NECAB2: variants seen among roughly 807,000 people sequenced by gnomAD.
The protein encoded by NECAB2 is N-terminal EF-hand calcium-binding protein 2.
In NECAB2, 68 loss-of-function variants were observed where a neutral mutation model predicts 51.9. The ratio of observed to expected loss-of-function variants is 1.31; its 90% CI spans 1.08 to 1.60. NECAB2 has a LOEUF of 1.60. Ranked by LOEUF, NECAB2 falls within the 40% of genes most tolerant of loss-of-function variation. The pLI is 0.00. For missense variants in NECAB2, 854 were observed against 490.3 expected, an observed-to-expected ratio of 1.74 and a Z score of -7.00; for synonymous variants, 329 against 203.5, an observed-to-expected ratio of 1.62 and a Z score of -5.25.
chr16:83,982,801 G>A (rs1186573289), intron 5 of NECAB2, among the ~76,000 whole-genome samples: 1 of 152,016 alleles, frequency 6.6e-6, no homozygotes, highest in Non-Finnish European at 1.5e-5. Context: ...TTTTTTTGTG[G>A]CAGTCGTGGT....
intron 5 of NECAB2, among the ~76,000 whole-genome samples, chr16:83,982,804 G>C (rs1012617859): frequency 2.0e-5 from 3 of 152,096 alleles, no homozygotes; most frequent in African/African-American, 4.8e-5. Context: ...TTTTGTGGCA[G>C]TCGTGGTGAT....
At chr16:83,974,839 T>C (rs1597197264) in intron 2 of NECAB2, among the ~76,000 whole-genome samples, 1 of 151,354 alleles carries the variant, frequency 6.6e-6, no homozygotes, top group African/African-American at 2.4e-5. Context: ...GTCAAGGAGG[T>C]GTGGATCCAA....
intron 2 of NECAB2, among the ~76,000 whole-genome samples, chr16:83,973,001 G>A (rs991767405): frequency 6.6e-6 from 1 of 152,236 alleles, no homozygotes; most frequent in Admixed American, 6.5e-5. Flanking sequence ...CGTGGGTAAA[G>A]TGGGGCAATA....
intron 7 of NECAB2, 61 bp downstream of exon 7, chr16:83,994,481 G>C: frequency 6.3e-7 from 1 of 1,596,570 alleles, no homozygotes; most frequent in Non-Finnish European, 8.6e-7. Context: ...AGTTCTGAGA[G>C]TCCTCTGACA....
chr16:83,971,898 G>T, intron 1 of NECAB2: 2 of 595,126 alleles, frequency 3.4e-6, no homozygotes, highest in East Asian at 2.8e-5. Flanking sequence ...GTGTGTGTCA[G>T]CGTGGCTGGG....
At chr16:83,973,739 T>C (rs1341718563) in intron 2 of NECAB2, among the ~76,000 whole-genome samples, 1 of 151,818 alleles carries the variant, frequency 6.6e-6, no homozygotes, top group Non-Finnish European at 1.5e-5. Flanking sequence ...ACACAGTAGG[T>C]CCTCGGTAAA....
At position 84,002,330 on chromosome 16, in the gene NECAB2, C is replaced by T. The variant is rs760068599; in HGVS notation, c.1145C>T (p.Thr382Met). 5.9e-5 allele frequency: 95 copies of T among 1,613,822 alleles called. No individual in the cohort carries two copies. In the Middle Eastern group the frequency reaches 6.6e-4, roughly 11 times the overall value. ...TCTCTCCTTTTAGCTGCTTGGTGCACGGTGGGACGGGACTGACAGCCTCCC... is the reference window on the plus strand; with the variant it reads ...TCTCTCCTTTTAGCTGCTTGGTGCATGGTGGGACGGGACTGACAGCCTCCC... ...SRILVPAAWC[T>M]VGRD Residue 382 changes from threonine (T) to methionine (M), a missense_variant, in exon 13 of 13, where the codon ACG becomes ATG. Physicochemically the swap from Thr to Met is moderately conservative, Grantham distance 81. Coordinates refer to ENST00000305202, the MANE Select transcript of NECAB2 (RefSeq NM_019065.3).
At chr16:83,978,580 G>A in intron 3 of NECAB2, 28 bp downstream of exon 3, 1 of 1,573,220 alleles carries the variant, frequency 6.4e-7, no homozygotes. Context: ...CTGGCAGAGT[G>A]GGGGTGTGTG....
chr16:84,001,781 TCCACTCCTG>T (rs1248497314), intron 11 of NECAB2, 35 bp from the exon 12 acceptor site: 1 of 1,604,756 alleles, frequency 6.2e-7, no homozygotes, highest in Non-Finnish European at 8.5e-7. Flanking sequence ...CACGCGGAGC[TCCACTCCTG>T]CCACCCCTGA....
intron 8 of NECAB2, among the ~76,000 whole-genome samples, 162 bp from the exon 9 acceptor site, chr16:83,997,054 C>T (rs1026980378): frequency 6.6e-6 from 1 of 152,078 alleles, no homozygotes; most frequent in African/African-American, 2.4e-5. Context: ...CCCTGTAGGC[C>T]AGAGGGAGTC....
Position 83,994,436 on chromosome 16 carries a change from G to T in NECAB2, c.715+16G>T, listed in dbSNP as rs1432102706. The T allele has an allele frequency of 1.9e-6, 3 of 1,612,778 alleles. No individual in the cohort carries two copies. Among genetic ancestry groups the T allele is most frequent in the African/African-American group, 2.7e-5 (2 of 74,884 alleles). ...CTTCCATCTGGTGAGAGAAAGCGGG[G>T]GCCCTGGTGGGGGTACCAGCTGGGG... On this transcript the variant is annotated intron_variant, in intron 7 of 12. Transcript: ENST00000305202.
intron 2 of NECAB2, among the ~76,000 whole-genome samples, chr16:83,975,602 T>A (rs1597198481): frequency 6.6e-6 from 1 of 152,062 alleles, no homozygotes; most frequent in East Asian, 1.9e-4. Context: ...CAGAGACTTG[T>A]TTGGCTGAGC....
At chr16:83,996,927 A>C (rs2084708867) in intron 8 of NECAB2, among the ~76,000 whole-genome samples, 1 of 152,020 alleles carries the variant, frequency 6.6e-6, no homozygotes, top group African/African-American at 2.4e-5. Flanking sequence ...AGTTACAGGG[A>C]ATCTAAGGGC....
chr16:83,986,250 C>G (rs1237274286), intron 5 of NECAB2, among the ~76,000 whole-genome samples: 1 of 152,142 alleles, frequency 6.6e-6, no homozygotes, highest in East Asian at 1.9e-4. Flanking sequence ...CTCCTGACGT[C>G]AGGTGTTCCA....
intron 2 of NECAB2, among the ~76,000 whole-genome samples, chr16:83,976,019 C>G (rs894266128): frequency 1.3e-5 from 2 of 152,060 alleles, no homozygotes; most frequent in African/African-American, 4.8e-5. Context: ...CCTGCTCTCC[C>G]TGTGTGCCGA....
intron 8 of NECAB2, among the ~76,000 whole-genome samples, chr16:83,995,417 C>T (rs765680546): frequency 6.6e-6 from 1 of 152,146 alleles, no homozygotes; most frequent in Non-Finnish European, 1.5e-5. Flanking sequence ...CATGGGACCC[C>T]TCCCTCATAG....
At chr16:83,975,968 C>T (rs796573069) in intron 2 of NECAB2, among the ~76,000 whole-genome samples, 49 of 152,270 alleles carry the variant, frequency 3.2e-4, no homozygotes, top group African/African-American at 1.1e-3. Flanking sequence ...TAAATGTCAG[C>T]CGAAAGCTTA....
In NECAB2 at chr16:83,998,275, G is replaced by C. The variant is rs773005909; in HGVS notation, c.920G>C (p.Arg307Pro). 11 of 1,613,366 alleles carry C rather than the reference G, an allele frequency of 6.8e-6. No homozygotes were observed. In the South Asian group the frequency reaches 1.1e-4, roughly 16 times the overall value. ...CTGAGCGAGTTTCTGGACTCTCTGC[G>C]CCAGTATCTGCGGGGGACCACTGGC... ...EQLSEFLDSLRQYLRGTTGVR... is the reference protein window; with the variant it reads ...EQLSEFLDSLPQYLRGTTGVR... Residue 307 changes from arginine (R) to proline (P), a missense_variant, in exon 10 of 13, where the codon CGC becomes CCC. By Grantham distance (103) the Arg-to-Pro change is moderately radical. Coordinates refer to ENST00000305202, the MANE Select transcript of NECAB2 (RefSeq NM_019065.3).
intron 2 of NECAB2, among the ~76,000 whole-genome samples, chr16:83,972,762 T>G (rs1269842925): frequency 2.6e-5 from 4 of 151,776 alleles, no homozygotes; most frequent in Non-Finnish European, 5.9e-5. Context: ...AGCAGCGCCT[T>G]GTTGTGGCCA....
Sources: allele counts gnomAD v4.1 joint callset (sites outside exome capture counted in the v4.1 genomes callset), GRCh38; gene constraint gnomAD v4.1.1; transcripts MANE v1.5; gene names NCBI Gene and HGNC (gene_info 2026-07-23, HGNC 2026-07-21).